ZNG1E: variants seen among roughly 807,000 people sequenced by gnomAD.
The protein encoded by ZNG1E is zinc-regulated GTPase metalloprotein activator 1E.
At chr9:65,687,452 T>C in the ZNG1E span, among the ~76,000 whole-genome samples, 1,282 of 151,530 alleles carry the variant, frequency 8.5e-3, 1 homozygote, top group African/African-American at 0.03. Flanking sequence ...TTTATATTAC[T>C]TGAAGGATTA....
chr9:65,688,060 T>C, the ZNG1E span, among the ~76,000 whole-genome samples: 1 of 151,660 alleles, frequency 6.6e-6, no homozygotes, highest in Non-Finnish European at 1.5e-5. Flanking sequence ...ATTGCTTTGA[T>C]GTGTCTTTTA....
chr9:65,686,763 C>T, the ZNG1E span, among the ~76,000 whole-genome samples: 4 of 152,228 alleles, frequency 2.6e-5, no homozygotes, highest in Admixed American at 6.5e-5. Context: ...CTTCCCCTTG[C>T]ACTTTTATGT....
At chr9:65,724,185 ATTGGTG>A in the ZNG1E span, among the ~76,000 whole-genome samples, 1 of 150,386 alleles carries the variant, frequency 6.6e-6, no homozygotes, top group Non-Finnish European at 1.5e-5. Flanking sequence ...AAAAGAGTTT[ATTGGTG>A]TAGGAAAACA....
At chr9:65,715,144 G>A in the ZNG1E span, among the ~76,000 whole-genome samples, 16 of 149,002 alleles carry the variant, frequency 1.1e-4, no homozygotes, top group African/African-American at 4.1e-4. Context: ...GTATTCTGGT[G>A]GGAGTGACCC....
chr9:65,657,958 G>A, the ZNG1E span, among the ~76,000 whole-genome samples: 2 of 152,276 alleles, frequency 1.3e-5, no homozygotes, highest in Non-Finnish European at 2.9e-5. Context: ...AGTTAGCTGG[G>A]CATGGCGGCT....
the ZNG1E span, among the ~76,000 whole-genome samples, chr9:65,687,560 T>C: frequency 6.6e-6 from 1 of 152,226 alleles, no homozygotes. Flanking sequence ...TGGATTTCTT[T>C]GTCCAATGTT....
At chr9:65,710,691 T>C in the ZNG1E span, among the ~76,000 whole-genome samples, 1 of 150,604 alleles carries the variant, frequency 6.6e-6, no homozygotes, top group African/African-American at 2.4e-5. Flanking sequence ...TTCTGAGGGC[T>C]CTGTTCTGTT....
At chr9:65,669,522 C>T in the ZNG1E span, among the ~76,000 whole-genome samples, 1 of 150,250 alleles carries the variant, frequency 6.7e-6, no homozygotes, top group East Asian at 1.9e-4. Context: ...CCAACCTCCA[C>T]TCCTGTCATT....
At chr9:65,685,001 C>A in the ZNG1E span, among the ~76,000 whole-genome samples, 19 of 149,148 alleles carry the variant, frequency 1.3e-4, no homozygotes, top group Admixed American at 1.3e-3. Context: ...ATGATTGCAC[C>A]ACTGCACTCC....
At chr9:65,659,314 G>T in the ZNG1E span, among the ~76,000 whole-genome samples, 2 of 148,196 alleles carry the variant, frequency 1.3e-5, no homozygotes, top group African/African-American at 5.1e-5. Context: ...GACCAACATG[G>T]TGAAACGCTG....
At chr9:65,710,692 C>T in the ZNG1E span, among the ~76,000 whole-genome samples, 1 of 150,592 alleles carries the variant, frequency 6.6e-6, no homozygotes. Context: ...TCTGAGGGCT[C>T]TGTTCTGTTC....
chr9:65,664,460 T>C, the ZNG1E span, among the ~76,000 whole-genome samples: 2 of 110,828 alleles, frequency 1.8e-5, 1 homozygote, highest in Non-Finnish European at 3.6e-5. Context: ...TCCTGTCTGG[T>C]TCCATGTGAG....
the ZNG1E span, chr9:65,705,058 A>T: frequency 3.5e-4 from 52 of 150,266 alleles, 1 homozygote; most frequent in African/African-American, 1.2e-3. Flanking sequence ...AAACTGCTAT[A>T]AGCATGTGTA....
At chr9:65,668,487 T>C in the ZNG1E span, among the ~76,000 whole-genome samples, 2 of 150,838 alleles carry the variant, frequency 1.3e-5, no homozygotes. Context: ...TATATATAAA[T>C]ACTATATATA....
the ZNG1E span, among the ~76,000 whole-genome samples, chr9:65,662,578 A>T: frequency 6.6e-6 from 1 of 151,930 alleles, no homozygotes; most frequent in Non-Finnish European, 1.5e-5. Context: ...GAAAATTAAA[A>T]GGAAGTTTTC....
the ZNG1E span, among the ~76,000 whole-genome samples, chr9:65,724,811 G>A: frequency 1.0e-5 from 1 of 99,478 alleles, no homozygotes; most frequent in Non-Finnish European, 1.9e-5. Context: ...ACAACCTTTT[G>A]CTGTATATTT....
chr9:65,691,245 G>A, the ZNG1E span, among the ~76,000 whole-genome samples: 1 of 148,910 alleles, frequency 6.7e-6, no homozygotes, highest in Non-Finnish European at 1.5e-5. Flanking sequence ...ATCGTACCTG[G>A]TTAATTTTTG....
the ZNG1E span, among the ~76,000 whole-genome samples, chr9:65,694,013 GA>G: frequency 6.7e-6 from 1 of 149,060 alleles, no homozygotes; most frequent in Non-Finnish European, 1.5e-5. Context: ...GAAAAGTTTG[GA>G]AGAAAACTCC....
chr9:65,669,870 T>C, the ZNG1E span, among the ~76,000 whole-genome samples: 10 of 148,426 alleles, frequency 6.7e-5, no homozygotes, highest in Admixed American at 2.0e-4. Flanking sequence ...AAGACGACTA[T>C]ATGACACTTG....
Sources: allele counts gnomAD v4.1 joint callset (sites outside exome capture counted in the v4.1 genomes callset), GRCh38; gene constraint gnomAD v4.1.1; transcripts MANE v1.5; gene names NCBI Gene and HGNC (gene_info 2026-07-23, HGNC 2026-07-21).